KAT6B: variants seen among roughly 807,000 people sequenced by gnomAD.
KAT6B encodes histone acetyltransferase KAT6B.
In KAT6B, 10 loss-of-function variants were observed where a neutral mutation model predicts 187.5. That is an observed-to-expected ratio of 0.05 (90% confidence interval 0.03 to 0.09). The LOEUF (loss-of-function observed/expected upper bound fraction) is 0.09. Among genes scored for constraint, KAT6B ranks in the 10% least tolerant of loss-of-function variants. KAT6B has a pLI of 1.00. For synonymous variants in KAT6B, 861 were observed against 926.8 expected (o/e 0.93, Z 1.29); for missense variants, 1,952 against 2,558.9 (o/e 0.76, Z 5.12).
chr10:74,940,983 A>G lies in KAT6B; in HGVS notation c.622-18987A>G, dbSNP rs114638395. On this transcript the variant is annotated intron_variant, in intron 3 of 17. Transcript: ENST00000287239. ...GGTTACAAATTAAGATTCCTAAGTTAATCCCAGACCTATTGAGTCAAAGTC... is the reference window on the plus strand; with the variant it reads ...GGTTACAAATTAAGATTCCTAAGTTGATCCCAGACCTATTGAGTCAAAGTC... 9.3e-3 allele frequency among the ~76,000 whole-genome samples: 1,413 copies of G among 152,314 alleles called. 22 individuals are homozygous for G. Among genetic ancestry groups the G allele is most frequent in the African/African-American group, 0.033 (1,352 of 41,562 alleles).
At position 75,030,210 on chromosome 10, in the gene KAT6B, G is replaced by A. The variant is rs201792033; in HGVS notation, c.5386G>A (p.Glu1796Lys). The A allele has an allele frequency of 1.9e-5, 30 of 1,614,018 alleles. No individual in the cohort carries two copies. The Admixed American group carries it at 2.7e-4, about 14-fold the overall frequency. The change falls in exon 18 of 18, where the codon GAG becomes AAG. Residue 1796 changes from glutamate to lysine, a missense_variant. By Grantham distance (56) the Glu-to-Lys change is moderately conservative. Transcript: ENST00000287239. The surrounding 1 kb of genome is among the most constrained non-coding windows in gnomAD (Gnocchi z 4.8). ...GAGCAACGCCAACATTGGCTTATAC[G>A]AGCGAATGGGTCAGAGTGATTTTGG... ...ETSNANIGLY[E>K]RMGQSDFGAG...
intron 3 of KAT6B, among the ~76,000 whole-genome samples, chr10:74,922,779 T>A (rs962699977): frequency 6.6e-6 from 1 of 152,254 alleles, no homozygotes; most frequent in African/African-American, 2.4e-5. Flanking sequence ...TTGGCTCAAG[T>A]GAATCCAGAG....
intron 13 of KAT6B, among the ~76,000 whole-genome samples, chr10:74,993,677 TTAATCTGGAA>T (rs1176901845): frequency 6.6e-6 from 1 of 152,248 alleles, no homozygotes; most frequent in Non-Finnish European, 1.5e-5. Context: ...GGGGCCTCCT[TTAATCTGGAA>T]TAGTACCTGC....
Position 74,975,865 on chromosome 10 carries a change from T to G in KAT6B, c.1528T>G (p.Ser510Ala). The G allele has an allele frequency of 6.2e-7, 1 of 1,614,000 alleles. No homozygotes were observed. Among genetic ancestry groups the G allele is most frequent in the Non-Finnish European group, 8.5e-7 (1 of 1,179,998 alleles). ...ISGQSPSSQK[S>A]STATSSPSPQ... Reference sequence around the variant, plus strand: ...CGGTCAGAGCCCCAGTTCACAAAAGTCCAGCACGGCCACTTCTTCTCCCTC... The same window carrying G: ...CGGTCAGAGCCCCAGTTCACAAAAGGCCAGCACGGCCACTTCTTCTCCCTC... The change falls in exon 8 of 18, where the codon TCC (serine) becomes GCC (alanine). Residue 510 changes from serine (S) to alanine (A), a missense_variant. Ser to Ala is a moderately conservative substitution (Grantham distance 99). Around this residue, in one of 9 missense-constraint regions of KAT6B, gnomAD observed 417 missense variants for 508.9 expected, o/e 0.82. Transcript: ENST00000287239.
chr10:74,965,818 C>T (rs575638898), intron 4 of KAT6B, among the ~76,000 whole-genome samples: 59 of 151,714 alleles, frequency 3.9e-4, no homozygotes, highest in African/African-American at 1.0e-3. Context: ...CTCCGCCTCC[C>T]GGGTTCACGC....
At chr10:74,960,131 T>A in intron 4 of KAT6B, 53 bp downstream of exon 4, 1 of 1,083,992 alleles carries the variant, frequency 9.2e-7, no homozygotes, top group Non-Finnish European at 1.4e-6. Flanking sequence ...TATCATAGCT[T>A]CATGCTATTT....
intron 2 of KAT6B, among the ~76,000 whole-genome samples, chr10:74,840,054 A>G (rs546060066): frequency 1.3e-5 from 2 of 152,248 alleles, no homozygotes; most frequent in African/African-American, 2.4e-5. Flanking sequence ...CAGCATTTCA[A>G]TTTGCAGAAG....
chr10:74,977,084 T>A (rs1842208562), intron 8 of KAT6B: 4 of 432,162 alleles, frequency 9.3e-6, no homozygotes, highest in Non-Finnish European at 1.7e-5. Flanking sequence ...CTCATATATT[T>A]ATTAAAGCTG....
At chr10:74,982,335 C>A (rs1842562747) in intron 11 of KAT6B, 1 of 227,606 alleles carries the variant, frequency 4.4e-6, no homozygotes, top group Non-Finnish European at 8.8e-6. Context: ...CCTCAATACA[C>A]AACCACCTGT....
rs2134259921 is a variant in KAT6B, at chr10:75,031,300, G to C, written c.*254G>C. ...TATATAAAATTCTCTGCAAAGGAAG[G>C]CCTCTCTTTGGACTACAATTTGGAG... is the stretch of plus-strand genomic sequence containing the variant. On this transcript the variant is annotated 3_prime_UTR_variant, in exon 18 of 18. Coordinates refer to ENST00000287239, the MANE Select transcript of KAT6B (RefSeq NM_012330.4). 2.0e-6 allele frequency: 1 copy of C among 495,092 alleles called. No individual in the cohort carries two copies. The highest frequency in any genetic ancestry group is 3.6e-6 in the Non-Finnish European group (1 of 275,690). 30.7% of individuals were successfully genotyped at this position (495,092 alleles called of 1,614,324 possible).
At chr10:75,002,470 A>G (rs368015361) in intron 13 of KAT6B, among the ~76,000 whole-genome samples, 1 of 152,220 alleles carries the variant, frequency 6.6e-6, no homozygotes, top group African/African-American at 2.4e-5. Context: ...TTATCATTTA[A>G]AAACTGAGAT....
At chr10:74,969,919 C>G in intron 5 of KAT6B, 101 bp from the exon 6 acceptor site, 4 of 1,033,686 alleles carry the variant, frequency 3.9e-6, no homozygotes. Flanking sequence ...TCTTGGTGCA[C>G]TTTCCTTATA....
chr10:75,002,842 A>C (rs1843946437), intron 13 of KAT6B, among the ~76,000 whole-genome samples: 1 of 152,230 alleles, frequency 6.6e-6, no homozygotes. Flanking sequence ...CTTTCACCAA[A>C]AGTAAGCTTC....
At chr10:74,968,932 G>A (rs893371761) in intron 4 of KAT6B, among the ~76,000 whole-genome samples, 1 of 152,064 alleles carries the variant, frequency 6.6e-6, no homozygotes, top group Admixed American at 6.5e-5. Flanking sequence ...TGTGTGGAGC[G>A]CTGCTAGGTG....
chr10:74,886,411 A>T (rs1164539700), intron 3 of KAT6B, among the ~76,000 whole-genome samples: 1 of 152,210 alleles, frequency 6.6e-6, no homozygotes, highest in Non-Finnish European at 1.5e-5. Context: ...ATCCCAGGTG[A>T]GGAGGAATTC....
intron 3 of KAT6B, among the ~76,000 whole-genome samples, chr10:74,875,702 G>A (rs1844364419): frequency 6.6e-6 from 1 of 152,206 alleles, no homozygotes; most frequent in African/African-American, 2.4e-5. Context: ...CTGAGCTCAA[G>A]TGACCTGCCC....
At chr10:74,907,231 C>T (rs939785558) in intron 3 of KAT6B, among the ~76,000 whole-genome samples, 2 of 152,178 alleles carry the variant, frequency 1.3e-5, no homozygotes, top group African/African-American at 2.4e-5. Context: ...AAACCCACCA[C>T]GATTTGCTTA....
rs1846345994 is a variant in KAT6B at position 75,032,005 on chromosome 10, T to C, written c.*959T>C. 1 of 193,460 alleles carries C rather than the reference T, an allele frequency of 5.2e-6. No homozygotes were observed. The highest frequency in any genetic ancestry group is 1.1e-5 in the Non-Finnish European group (1 of 92,482). 12.0% of individuals were successfully genotyped at this position (193,460 alleles called of 1,614,324 possible). Reference sequence around the variant, plus strand: ...ATTGGAGTTATTTTTTAAGGAAAAATAGAAAAGTAGCTTGTGAATAGCTCA... The same window carrying C: ...ATTGGAGTTATTTTTTAAGGAAAAACAGAAAAGTAGCTTGTGAATAGCTCA... On this transcript the variant is annotated 3_prime_UTR_variant, in exon 18 of 18. Coordinates refer to ENST00000287239, the MANE Select transcript of KAT6B (RefSeq NM_012330.4).
chr10:74,985,933 C>T (rs1280615687), intron 12 of KAT6B, among the ~76,000 whole-genome samples: 1 of 152,126 alleles, frequency 6.6e-6, no homozygotes, highest in Non-Finnish European at 1.5e-5. Context: ...GTAGTCCCAG[C>T]TACTTGGGAG....
Sources: allele counts gnomAD v4.1 joint callset (sites outside exome capture counted in the v4.1 genomes callset), GRCh38; gene constraint gnomAD v4.1.1; regional missense constraint gnomAD v4.1.1; non-coding constraint Gnocchi (gnomAD v3.1); transcripts MANE v1.5; gene names NCBI Gene and HGNC (gene_info 2026-07-23, HGNC 2026-07-21).